EEFSEC: variants seen among roughly 807,000 people sequenced by gnomAD.
EEFSEC encodes the protein selenocysteine-specific elongation factor.
EEFSEC carries 43 observed loss-of-function variants against 42.1 expected under a neutral mutation model. The ratio of observed to expected loss-of-function variants is 1.02; its 90% CI spans 0.80 to 1.32. The LOEUF (loss-of-function observed/expected upper bound fraction) is 1.32, where lower values mean the gene tolerates loss of function less well. EEFSEC is among the 40% of genes most tolerant of loss of function. EEFSEC has a pLI of 0.00. For missense variants in EEFSEC, 745 were observed against 803.6 expected (o/e 0.93, Z 0.88); for synonymous variants, 354 against 339.1 (o/e 1.04, Z -0.48).
At chr3:128,366,189 C>T (rs545472904) in intron 6 of EEFSEC, among the ~76,000 whole-genome samples, 2 of 152,302 alleles carry the variant, frequency 1.3e-5, no homozygotes, top group South Asian at 4.1e-4. Flanking sequence ...TTGGTGAGGT[C>T]CCAGGCAAGT....
At chr3:128,420,913 C>T in the EEFSEC span, among the ~76,000 whole-genome samples, 17 of 152,280 alleles carry the variant, frequency 1.1e-4, no homozygotes, top group South Asian at 3.5e-3. Flanking sequence ...AAGCGGCGGC[C>T]CTTGCACCTG....
chr3:128,238,482 C>G (rs2066035456), intron 1 of EEFSEC, among the ~76,000 whole-genome samples: 1 of 152,162 alleles, frequency 6.6e-6, no homozygotes, highest in Admixed American at 6.5e-5. Flanking sequence ...GGCTCCAATT[C>G]AGCTCTCAAT....
chr3:128,170,191 C>T (rs1388208985), intron 1 of EEFSEC, among the ~76,000 whole-genome samples: 2 of 152,176 alleles, frequency 1.3e-5, no homozygotes, highest in East Asian at 3.8e-4. Flanking sequence ...ATGGCCTAGC[C>T]TCAGACTTGC....
chr3:128,337,422 A>G (rs2067201847), intron 4 of EEFSEC, among the ~76,000 whole-genome samples: 2 of 152,130 alleles, frequency 1.3e-5, no homozygotes. Flanking sequence ...AGCCTGCTTG[A>G]CGTTCGGCTT....
chr3:128,314,092 A>G (rs190794864), intron 4 of EEFSEC, among the ~76,000 whole-genome samples: 27 of 152,286 alleles, frequency 1.8e-4, no homozygotes, highest in Admixed American at 1.1e-3. Flanking sequence ...TACCGTAAGG[A>G]CATGCTGCTC....
chr3:128,391,808 G>A (rs1480349690), intron 6 of EEFSEC, among the ~76,000 whole-genome samples: 1 of 152,234 alleles, frequency 6.6e-6, no homozygotes, highest in African/African-American at 2.4e-5. Context: ...GACAGTGCCT[G>A]GTGCCCAGCG....
chr3:128,279,436 C>T (rs2066502309), intron 4 of EEFSEC, among the ~76,000 whole-genome samples: 1 of 152,336 alleles, frequency 6.6e-6, no homozygotes, highest in East Asian at 1.9e-4. Flanking sequence ...ATTCTAAATG[C>T]CTCCTGGGGG....
chr3:128,172,953 G>A (rs572130402), intron 1 of EEFSEC, among the ~76,000 whole-genome samples: 2 of 152,324 alleles, frequency 1.3e-5, no homozygotes, highest in East Asian at 3.9e-4. Context: ...TCCAAAGGGA[G>A]TATGTCTATA....
chr3:128,418,727 G>T, the EEFSEC span, among the ~76,000 whole-genome samples: 3 of 152,130 alleles, frequency 2.0e-5, no homozygotes, highest in South Asian at 6.2e-4. Flanking sequence ...CTGTGGCCGG[G>T]GTGCCCTGAC....
chr3:128,177,012 T>A (rs374172577), intron 1 of EEFSEC, among the ~76,000 whole-genome samples: 31 of 119,006 alleles, frequency 2.6e-4, no homozygotes, highest in Middle Eastern at 4.3e-3. Context: ...TATTATTATT[T>A]TTGAGACAGA....
chr3:128,263,230 G>A (rs999921570), intron 3 of EEFSEC, among the ~76,000 whole-genome samples: 5 of 152,182 alleles, frequency 3.3e-5, no homozygotes, highest in Non-Finnish European at 5.9e-5. Context: ...ATATACCAAC[G>A]AAGAGTCTGA....
chr3:128,325,186 T>G (rs538909306), intron 4 of EEFSEC, among the ~76,000 whole-genome samples: 2 of 152,278 alleles, frequency 1.3e-5, no homozygotes, highest in Admixed American at 6.5e-5. Flanking sequence ...CCAGCCAGGC[T>G]TTTGTTCCTG....
chr3:128,309,276 A>G (rs2066865257), intron 4 of EEFSEC, among the ~76,000 whole-genome samples: 1 of 152,218 alleles, frequency 6.6e-6, no homozygotes, highest in South Asian at 2.1e-4. Flanking sequence ...GAGACTGAGC[A>G]GGTGCAAAGA....
In EEFSEC at chr3:128,343,786, A is replaced by G. The variant is rs183935731; in HGVS notation, c.1443+1897A>G. 1.4e-3 allele frequency among the ~76,000 whole-genome samples: 216 copies of G among 152,310 alleles called. 2 individuals are homozygous for G. The East Asian group carries it at 0.019, about 14-fold the overall frequency. On this transcript the variant is annotated intron_variant, in intron 5 of 6. Coordinates refer to ENST00000254730, the MANE Select transcript of EEFSEC (RefSeq NM_021937.5). ...CCTCCGAAGGGCTGAGGGAGGGGCC[A>G]GGAGACATGCCTGGCCTATGTCCTT...
At chr3:128,304,964 A>G (rs2066810768) in intron 4 of EEFSEC, among the ~76,000 whole-genome samples, 2 of 152,124 alleles carry the variant, frequency 1.3e-5, no homozygotes, top group Non-Finnish European at 2.9e-5. Context: ...TTGACCTCCA[A>G]AAGTGCTGGA....
intron 4 of EEFSEC, among the ~76,000 whole-genome samples, chr3:128,295,656 G>A (rs1000229153): frequency 4.7e-5 from 7 of 149,454 alleles, no homozygotes; most frequent in Non-Finnish European, 1.0e-4. Flanking sequence ...GATGGAGAAG[G>A]ACCCAAGTTT....
intron 6 of EEFSEC, among the ~76,000 whole-genome samples, chr3:128,386,873 A>G (rs2067845536): frequency 6.6e-6 from 1 of 152,200 alleles, no homozygotes; most frequent in African/African-American, 2.4e-5. Flanking sequence ...ATCCGTGCCC[A>G]TGATCTAACA....
rs2999087 is a variant in EEFSEC at position 128,224,387 on chromosome 3, A to G, written c.317-22449A>G. Among the ~76,000 whole-genome samples the G allele has an allele frequency of 3.3e-4, 51 of 152,334 alleles. No homozygotes were observed. The East Asian group carries it at 7.5e-3, about 22-fold the overall frequency. On this transcript the variant is annotated intron_variant, in intron 1 of 6. Coordinates refer to ENST00000254730, the MANE Select transcript of EEFSEC (RefSeq NM_021937.5). Reference sequence around the variant, plus strand: ...TTCTCCAGACTTAATTCTGTATTCAAATGGTTCCTGTGGTCACCCTTGGGT... The same window carrying G: ...TTCTCCAGACTTAATTCTGTATTCAGATGGTTCCTGTGGTCACCCTTGGGT...
chr3:128,294,415 G>C (rs1464075275), intron 4 of EEFSEC, among the ~76,000 whole-genome samples: 3 of 152,208 alleles, frequency 2.0e-5, no homozygotes, highest in African/African-American at 7.2e-5. Flanking sequence ...TATCATATCT[G>C]AGTGTTCTTA....
Sources: allele counts gnomAD v4.1 joint callset (sites outside exome capture counted in the v4.1 genomes callset), GRCh38; gene constraint gnomAD v4.1.1; transcripts MANE v1.5; gene names NCBI Gene and HGNC (gene_info 2026-07-23, HGNC 2026-07-21).